Variants in TG observed in about 807,000 individuals in gnomAD.
TG encodes thyroglobulin.
Under a neutral mutation model 324.7 loss-of-function variants are expected in TG, and 270 were observed. The ratio of observed to expected loss-of-function variants is 0.83; its 90% CI spans 0.75 to 0.92. The LOEUF is 0.92. Among genes scored for constraint, TG ranks in the 40% least tolerant of loss-of-function variants. The pLI, the probability that TG is intolerant of heterozygous loss-of-function variation, is 0.00. For missense variants in TG, 3,591 were observed against 3,456.4 expected (o/e 1.04, Z -0.98); for synonymous variants, 1,401 against 1,327.0 (o/e 1.06, Z -1.21).
chr8:132,975,586 T>G (rs1830080407), intron 34 of TG, among the ~76,000 whole-genome samples: 1 of 152,250 alleles, frequency 6.6e-6, no homozygotes, highest in African/African-American at 2.4e-5. Flanking sequence ...CAACATTGAC[T>G]GAGCGTTAAT....
rs145792404 is a variant in TG at position 132,973,305 on chromosome 8, C to T, written c.6199+564C>T. On this transcript the variant is annotated intron_variant, in intron 34 of 47. Coordinates refer to ENST00000220616, the MANE Select transcript of TG (RefSeq NM_003235.5). ...TCAAGACAATGTACCACATGGTAGTCCCATGGAGGAAAACGGGGACAACCA... is the reference window on the plus strand; with the variant it reads ...TCAAGACAATGTACCACATGGTAGTTCCATGGAGGAAAACGGGGACAACCA... Among the ~76,000 whole-genome samples the T allele has an allele frequency of 6.6e-5, 10 of 152,280 alleles. No homozygotes were observed. The East Asian group carries it at 1.9e-3, about 29-fold the overall frequency.
intron 35 of TG, chr8:132,994,879 A>G: frequency 8.1e-7 from 1 of 1,231,842 alleles, no homozygotes; most frequent in Non-Finnish European, 1.0e-6. Context: ...GTGATGGAGT[A>G]AGATTGAGGT....
chr8:132,969,664 G>C (rs1733673785), intron 32 of TG, 95 bp downstream of exon 32: 1 of 1,000,296 alleles, frequency 1.0e-6, no homozygotes. Flanking sequence ...AGCATACCCA[G>C]CACTTTGGGA....
chr8:133,061,366 A>T (rs561120508), intron 41 of TG, among the ~76,000 whole-genome samples: 1 of 152,336 alleles, frequency 6.6e-6, no homozygotes, highest in South Asian at 2.1e-4. Flanking sequence ...GTGTTGGGTT[A>T]TGGTCACAAA....
intron 8 of TG, chr8:132,883,250 A>T (rs936658703): frequency 3.9e-6 from 2 of 518,896 alleles, no homozygotes; most frequent in Non-Finnish European, 6.8e-6. Context: ...AAGAAAAATA[A>T]AAGAGAATTG....
Position 132,877,507 on chromosome 8 carries a change from G to C in TG, c.638+4286G>C, listed in dbSNP as rs529131451. ...AAATACATGGCTCATTTGTGAGTCA[G>C]TGTTTAGATTTCCAAAGAACTGCCT... On this transcript the variant is annotated intron_variant, in intron 5 of 47. Coordinates refer to ENST00000220616, the MANE Select transcript of TG (RefSeq NM_003235.5). Among the ~76,000 whole-genome samples, 3 of 152,302 alleles carry C rather than the reference G, an allele frequency of 2.0e-5. No homozygotes were observed. The East Asian group carries it at 5.8e-4, about 29-fold the overall frequency.
intron 41 of TG, among the ~76,000 whole-genome samples, chr8:133,070,709 CTT>C (rs1564150275): frequency 6.6e-6 from 1 of 152,228 alleles, no homozygotes; most frequent in Non-Finnish European, 1.5e-5. Context: ...CTTAATAAAA[CTT>C]TAATTCTAAA....
chr8:133,087,260 G>A (rs1363237273), intron 41 of TG, among the ~76,000 whole-genome samples: 3 of 152,168 alleles, frequency 2.0e-5, no homozygotes, highest in African/African-American at 7.2e-5. Context: ...TTTAAAAATT[G>A]CAGAGGGCTT....
intron 10 of TG, among the ~76,000 whole-genome samples, chr8:132,889,244 CA>C (rs1162384180): frequency 6.6e-6 from 1 of 152,220 alleles, no homozygotes; most frequent in Non-Finnish European, 1.5e-5. Context: ...AACAACCAGA[CA>C]TGTTCAACAC....
At chr8:132,867,971 G>A (rs1224554444) in intron 1 of TG, 144 bp from the exon 2 acceptor site, 1 of 713,186 alleles carries the variant, frequency 1.4e-6, no homozygotes, top group South Asian at 1.6e-5. Context: ...TTGTAAGAAA[G>A]TGTGCTTAGC....
chr8:132,971,200 G>T (rs1587633470), intron 32 of TG, among the ~76,000 whole-genome samples: 1 of 152,200 alleles, frequency 6.6e-6, no homozygotes, highest in South Asian at 2.1e-4. Flanking sequence ...TTATTGAGTG[G>T]ATAAGAAGGT....
chr8:133,090,446 G>A (rs1847313473), intron 41 of TG, among the ~76,000 whole-genome samples: 1 of 152,202 alleles, frequency 6.6e-6, no homozygotes, highest in South Asian at 2.1e-4. Flanking sequence ...AAGCACCTTG[G>A]CCCGTGTGTG....
chr8:132,934,192 G>C (rs1355594338), intron 24 of TG, among the ~76,000 whole-genome samples: 1 of 152,018 alleles, frequency 6.6e-6, no homozygotes, highest in Non-Finnish European at 1.5e-5. Flanking sequence ...ATAATTAGCT[G>C]GGTGTGGTGG....
intron 41 of TG, among the ~76,000 whole-genome samples, chr8:133,070,375 T>C (rs1175179484): frequency 2.6e-5 from 4 of 152,236 alleles, no homozygotes; most frequent in Admixed American, 6.5e-5. Context: ...GCCTCTCTAT[T>C]TGTTTTCAAA....
intron 19 of TG, among the ~76,000 whole-genome samples, chr8:132,912,785 G>A (rs958350635): frequency 1.3e-5 from 2 of 152,122 alleles, no homozygotes; most frequent in Non-Finnish European, 2.9e-5. Context: ...ATGTTAACAT[G>A]GGTTGCATTG....
At chr8:133,049,924 A>G (rs536012943) in intron 41 of TG, 1 of 1,612,746 alleles carries the variant, frequency 6.2e-7, no homozygotes, top group Non-Finnish European at 8.5e-7. Context: ...CTGGCCACAC[A>G]TATTCCAGGG....
intron 35 of TG, among the ~76,000 whole-genome samples, chr8:133,008,884 A>G (rs1450858283): frequency 6.6e-6 from 1 of 152,180 alleles, no homozygotes; most frequent in South Asian, 2.1e-4. Flanking sequence ...AAGAGCCCCA[A>G]CTTTCCTGCT....
intron 6 of TG, among the ~76,000 whole-genome samples, 164 bp from the exon 7 acceptor site, chr8:132,882,305 C>A (rs1269462280): frequency 4.6e-5 from 7 of 152,226 alleles, no homozygotes; most frequent in Non-Finnish European, 1.5e-5. Flanking sequence ...GCCTGCACAA[C>A]CATCCACAGC....
intron 35 of TG, among the ~76,000 whole-genome samples, chr8:132,996,643 A>G (rs557393770): frequency 2.6e-5 from 4 of 152,340 alleles, no homozygotes; most frequent in African/African-American, 9.6e-5. Context: ...TTAAAAATAA[A>G]CAAATTGCAA....
Sources: allele counts gnomAD v4.1 joint callset (sites outside exome capture counted in the v4.1 genomes callset), GRCh38; gene constraint gnomAD v4.1.1; transcripts MANE v1.5; gene names NCBI Gene and HGNC (gene_info 2026-07-23, HGNC 2026-07-21).